The following LNPEP variants were observed in gnomAD, a reference collection of about 807,000 sequenced individuals.
The protein encoded by LNPEP is leucyl-cystinyl aminopeptidase.
In LNPEP, 64 loss-of-function variants were observed where a neutral mutation model predicts 120.6. That is an observed-to-expected ratio of 0.53 (90% CI 0.43 to 0.65). The LOEUF is 0.65. Ranked by LOEUF, LNPEP falls within the 30% of genes least tolerant of loss-of-function variation. The probability of loss-of-function intolerance (pLI) is 0.00; values close to 1 mark genes in which losing one functional copy is unlikely to be tolerated. For missense variants in LNPEP, 1,057 were observed against 1,200.0 expected (o/e 0.88, Z 1.76); for synonymous variants, 435 against 425.4 (o/e 1.02, Z -0.28).
At chr5:97,001,199 G>T (rs1444143782) in intron 8 of LNPEP, among the ~76,000 whole-genome samples, 5 of 152,226 alleles carry the variant, frequency 3.3e-5, no homozygotes, top group Non-Finnish European at 5.9e-5. Flanking sequence ...CGAGATAATG[G>T]TAGCCTGGAC....
At chr5:96,994,465 AT>A (rs11343706) in intron 6 of LNPEP, among the ~76,000 whole-genome samples, 86,132 of 145,842 alleles carry the variant, frequency 0.59, 24,914 homozygotes, top group Middle Eastern at 0.69. Context: ...TCAGGGCTGG[AT>A]TTTTTTTTTT....
intron 1 of LNPEP, among the ~76,000 whole-genome samples, chr5:96,971,626 T>C (rs1376506465): frequency 6.6e-6 from 1 of 152,040 alleles, no homozygotes; most frequent in African/African-American, 2.4e-5. Context: ...TAATTTCTAA[T>C]GATCTGTCAA....
chr5:96,988,339 C>CTTTTTTTTTTTTTTTTTTTTTT (rs201343272), intron 4 of LNPEP, among the ~76,000 whole-genome samples: 4 of 125,236 alleles, frequency 3.2e-5, no homozygotes, highest in African/African-American at 6.2e-5. Context: ...TTTTTCTTTT[C>CTTTTTTTTTTTTTTTTTTTTTT]TTTTTTTTTT....
intron 1 of LNPEP, chr5:96,936,465 G>A: frequency 3.0e-6 from 1 of 332,626 alleles, no homozygotes; most frequent in South Asian, 1.3e-4. Flanking sequence ...CAGAGGAGTG[G>A]GCAGTGGGAA....
At chr5:96,973,114 A>G (rs558421258) in intron 1 of LNPEP, among the ~76,000 whole-genome samples, 1 of 152,266 alleles carries the variant, frequency 6.6e-6, no homozygotes, top group Admixed American at 6.5e-5. Flanking sequence ...TACATCTTCA[A>G]AACTTGTTTG....
intron 1 of LNPEP, among the ~76,000 whole-genome samples, chr5:96,969,739 C>T (rs925924251): frequency 2.0e-5 from 3 of 150,252 alleles, no homozygotes; most frequent in Non-Finnish European, 3.0e-5. Flanking sequence ...TGATTTTTGC[C>T]CTGTTTTTTT....
Position 97,021,923 on chromosome 5 carries a change from G to GTTTTTTTTTTTTTTTTTTTTTTTTT in LNPEP, c.2377-375_2377-351dup, listed in dbSNP as rs1165456605. On this transcript the variant is annotated intron_variant, in intron 13 of 17. Coordinates refer to ENST00000231368, the MANE Select transcript of LNPEP (RefSeq NM_005575.3). ...GGGTTTTTTTTGTTTTTTGTCTTTT[G>GTTTTTTTTTTTTTTTTTTTTTTTTT]TTTTTTTTTTTTTTTTTTTTTTTTT... Among the ~76,000 whole-genome samples, 10 of 57,172 alleles carry GTTTTTTTTTTTTTTTTTTTTTTTTT rather than the reference G, an allele frequency of 1.7e-4. 1 individual carries two copies. Among genetic ancestry groups the GTTTTTTTTTTTTTTTTTTTTTTTTT allele is most frequent in the Admixed American group, 2.3e-4 (1 of 4,440 alleles). 37.5% of individuals were successfully genotyped at this position (57,172 alleles called of 152,430 possible).
rs1451749890 is a variant in LNPEP at position 96,986,545 on chromosome 5, T to G, written c.1006T>G (p.Ser336Ala). Residue 336 changes from serine to alanine, a missense_variant, in exon 4 of 18, where the codon TCA becomes GCA. Ser to Ala is a moderately conservative substitution (Grantham distance 99). Transcript: ENST00000231368. The stretch of plus-strand genomic sequence containing the variant: ...TTTTCCCCTTTGCTTGTAGAAGTCA[T>G]CAGTCGTTCTAGATGATGGACTTGT... ...TALSNMPKKSSVVLDDGLVQD... is the reference protein window; with the variant it reads ...TALSNMPKKSAVVLDDGLVQD... The G allele has an allele frequency of 6.2e-7, 1 of 1,613,042 alleles. No individual in the cohort carries two copies. Among genetic ancestry groups the G allele is most frequent in the Non-Finnish European group, 8.5e-7 (1 of 1,179,314 alleles).
At chr5:96,997,524 T>C (rs1216836278) in intron 7 of LNPEP, among the ~76,000 whole-genome samples, 2 of 152,142 alleles carry the variant, frequency 1.3e-5, no homozygotes, top group African/African-American at 2.4e-5. Flanking sequence ...TCTTAAAGAA[T>C]TATTTCTGTT....
In LNPEP at chr5:96,938,963, G is replaced by A. The variant is rs548808570; in HGVS notation, c.19+2789G>A. On this transcript the variant is annotated intron_variant, in intron 1 of 17. Transcript: ENST00000231368. ...AGGCAGGTAGAGGTAAAACTGTTAA[G>A]TAATAGTGATTTGTATATTACAAAA... 4.8e-4 allele frequency among the ~76,000 whole-genome samples: 67 copies of A among 139,890 alleles called. No homozygotes were observed. In the South Asian group the frequency reaches 0.015, roughly 31 times the overall value. 91.8% of individuals were successfully genotyped at this position (139,890 alleles called of 152,430 possible).
chr5:96,951,945 C>T (rs1789334167), intron 1 of LNPEP, among the ~76,000 whole-genome samples: 1 of 152,070 alleles, frequency 6.6e-6, no homozygotes, highest in African/African-American at 2.4e-5. Flanking sequence ...AGTAGTTTAT[C>T]TTCGAAGGCA....
At chr5:96,966,937 T>C (rs2112588886) in intron 1 of LNPEP, among the ~76,000 whole-genome samples, 1 of 152,252 alleles carries the variant, frequency 6.6e-6, no homozygotes, top group East Asian at 1.9e-4. Context: ...TCTTAAAATA[T>C]GAAAAGTCCA....
At chr5:96,950,347 G>A (rs1789293306) in intron 1 of LNPEP, among the ~76,000 whole-genome samples, 1 of 152,152 alleles carries the variant, frequency 6.6e-6, no homozygotes, top group Non-Finnish European at 1.5e-5. Context: ...AGGACTTCTG[G>A]CTGACCTATA....
Position 96,979,378 on chromosome 5 carries a change from G to A in LNPEP, c.260G>A (p.Gly87Asp). 6.2e-7 allele frequency: 1 copy of A among 1,614,078 alleles called. No individual in the cohort carries two copies. The change falls in exon 2 of 18, where the codon GGC becomes GAC. Residue 87 changes from glycine to aspartate, a missense_variant. Transcript: ENST00000231368. ...LGMSFMNRSSGLRNSATGYRQ... is the reference protein window; with the variant it reads ...LGMSFMNRSSDLRNSATGYRQ... Reference sequence around the variant, plus strand: ...ATGTCCTTCATGAATAGAAGCTCAGGCCTTCGGAACAGTGCAACTGGTTAC... The same window carrying A: ...ATGTCCTTCATGAATAGAAGCTCAGACCTTCGGAACAGTGCAACTGGTTAC...
intron 1 of LNPEP, among the ~76,000 whole-genome samples, chr5:96,972,880 CAA>C (rs746153717): frequency 5.9e-5 from 9 of 152,028 alleles, no homozygotes; most frequent in Non-Finnish European, 1.0e-4. Flanking sequence ...ACAAGGGAGA[CAA>C]AGTCAGGGTG....
At chr5:97,022,511 T>C in intron 14 of LNPEP, 27 bp downstream of exon 14, 1 of 1,547,424 alleles carries the variant, frequency 6.5e-7, no homozygotes, top group Non-Finnish European at 8.9e-7. Context: ...CTCAGATGAA[T>C]TATCTTCTTT....
intron 1 of LNPEP, among the ~76,000 whole-genome samples, chr5:96,955,478 G>A (rs1789445017): frequency 1.3e-5 from 2 of 152,148 alleles, no homozygotes; most frequent in African/African-American, 4.8e-5. Flanking sequence ...AGCTGGATGT[G>A]GTGATGCACG....
chr5:96,944,153 G>T (rs1369572468), intron 1 of LNPEP, among the ~76,000 whole-genome samples: 1 of 152,148 alleles, frequency 6.6e-6, no homozygotes, highest in Non-Finnish European at 1.5e-5. Flanking sequence ...AAGGAAGGAG[G>T]CTTAAGCCAT....
At chr5:97,004,167 A>G (rs1410819923) in intron 9 of LNPEP, among the ~76,000 whole-genome samples, 2 of 152,144 alleles carry the variant, frequency 1.3e-5, no homozygotes, top group Non-Finnish European at 2.9e-5. Flanking sequence ...AAACCCTTAT[A>G]AGCATTTGTG....
Sources: gnomAD v4.1 joint callset for allele counts (sites outside exome capture counted in the v4.1 genomes callset) on GRCh38, gnomAD v4.1.1 for gene constraint, MANE v1.5 for transcripts, NCBI Gene and HGNC (gene_info 2026-07-23, HGNC 2026-07-21) for gene names.